The following PHF20 variants were observed in gnomAD, a reference collection of about 807,000 sequenced individuals.
PHF20 encodes the protein PHD finger protein 20, also known as glioma-expressed antigen 2.
A neutral mutation model predicts 113.5 loss-of-function variants in PHF20; 23 were observed. That is an observed-to-expected ratio of 0.20 (90% CI 0.15 to 0.29). PHF20 has a LOEUF of 0.29. Ranked by LOEUF, PHF20 falls within the 10% of genes least tolerant of loss-of-function variation. The pLI, the probability that PHF20 is intolerant of heterozygous loss-of-function variation, is 1.00. For missense variants in PHF20, 943 were observed against 1,219.6 expected, an observed-to-expected ratio of 0.77 and a Z score of 3.38; for synonymous variants, 434 against 457.3, an observed-to-expected ratio of 0.95 and a Z score of 0.65.
chr20:35,904,800 T>TCCTTCCTTCCTG (rs1450806881), intron 10 of PHF20, among the ~76,000 whole-genome samples: 2 of 150,170 alleles, frequency 1.3e-5, no homozygotes, highest in African/African-American at 4.9e-5. Context: ...CTTCCTTCCT[T>TCCTTCCTTCCTG]CCTTTCTTTT....
At position 35,794,728 on chromosome 20, in the gene PHF20, T is replaced by G. The variant is rs529080639; in HGVS notation, c.-32-6763T>G. ...GTCCCAGAGCTGATTCACTGAAAGG[T>G]CTTGTTCCATACCCATCTATCACTT... On this transcript the variant is annotated intron_variant, in intron 1 of 17. Coordinates refer to ENST00000374012, the MANE Select transcript of PHF20 (RefSeq NM_016436.5). 2.0e-5 allele frequency among the ~76,000 whole-genome samples: 3 copies of G among 152,234 alleles called. No individual in the cohort carries two copies. The East Asian group carries it at 5.8e-4, about 29-fold the overall frequency.
At chr20:35,813,249 CGCG>C (rs2042009382) in intron 2 of PHF20, among the ~76,000 whole-genome samples, 1 of 150,584 alleles carries the variant, frequency 6.6e-6, no homozygotes, top group African/African-American at 2.4e-5. Context: ...GGATTACAGG[CGCG>C]GTGAGCCACC....
rs150233633 is a variant in PHF20, at chr20:35,807,166, G to A, written c.83+5561G>A. 4.3e-3 allele frequency among the ~76,000 whole-genome samples: 648 copies of A among 152,070 alleles called. 2 individuals are homozygous for A. The highest frequency in any genetic ancestry group is 0.015 in the African/African-American group (602 of 41,502). Reference sequence around the variant, plus strand: ...TGAAAAGTGTTTTTGGAGTTTTGAAGTAAATTGTATTTAATTGGTATCTTG... The same window carrying A: ...TGAAAAGTGTTTTTGGAGTTTTGAAATAAATTGTATTTAATTGGTATCTTG... On this transcript the variant is annotated intron_variant, in intron 2 of 17. Coordinates refer to ENST00000374012, the MANE Select transcript of PHF20 (RefSeq NM_016436.5).
At chr20:35,793,893 G>A (rs559101248) in intron 1 of PHF20, among the ~76,000 whole-genome samples, 1 of 150,140 alleles carries the variant, frequency 6.7e-6, no homozygotes, top group East Asian at 2.0e-4. Context: ...AGCTACTGGG[G>A]AGGGTGAGGC....
At chr20:35,800,956 G>T (rs1303228875) in intron 1 of PHF20, among the ~76,000 whole-genome samples, 1 of 152,118 alleles carries the variant, frequency 6.6e-6, no homozygotes, top group African/African-American at 2.4e-5. Context: ...CTTCCAAGTA[G>T]CTGGGGCTAT....
At chr20:35,928,693 G>C (rs1167464430) in intron 14 of PHF20, 1 of 152,154 alleles carries the variant, frequency 6.6e-6, no homozygotes, top group East Asian at 1.9e-4. Flanking sequence ...TTTTCTTGAG[G>C]ACTCATGAGG....
chr20:35,871,306 T>C (rs1171340115), intron 8 of PHF20, among the ~76,000 whole-genome samples, 172 bp downstream of exon 8: 1 of 152,252 alleles, frequency 6.6e-6, no homozygotes, highest in Non-Finnish European at 1.5e-5. Flanking sequence ...ATTTATTCAA[T>C]AGACATACTT....
In PHF20 at chr20:35,917,408, T is replaced by C. The variant is rs773284860; in HGVS notation, c.1826-76T>C. On this transcript the variant is annotated intron_variant, in intron 12 of 17. Coordinates refer to ENST00000374012, the MANE Select transcript of PHF20 (RefSeq NM_016436.5). ...TGGAGGTATGGGACTATAATGTCATTTTTCATTCTTGACAATCAAAGGTTT... is the reference window on the plus strand; with the variant it reads ...TGGAGGTATGGGACTATAATGTCATCTTTCATTCTTGACAATCAAAGGTTT... 9 of 1,295,560 alleles carry C rather than the reference T, an allele frequency of 6.9e-6. No individual in the cohort carries two copies. In the South Asian group the frequency reaches 1.0e-4, roughly 15 times the overall value. The allele number at this position is 1,295,560 out of a possible 1,614,324, so 80.3% of individuals were successfully genotyped here. A position where few individuals can be genotyped will look rare whatever the true frequency, so the allele number is the denominator to read the frequency against.
chr20:35,904,083 G>A (rs557367032), intron 10 of PHF20, among the ~76,000 whole-genome samples: 6 of 152,134 alleles, frequency 3.9e-5, no homozygotes, highest in South Asian at 2.1e-4. Context: ...CAGACAGTGT[G>A]GGGAGTTCAG....
intron 2 of PHF20, among the ~76,000 whole-genome samples, chr20:35,811,827 G>A (rs1037719396): frequency 6.6e-6 from 1 of 151,594 alleles, no homozygotes; most frequent in Non-Finnish European, 1.5e-5. Context: ...CTGGAGTGCA[G>A]TGGCTCGATC....
intron 2 of PHF20, among the ~76,000 whole-genome samples, chr20:35,806,090 C>T (rs1321235646): frequency 6.6e-6 from 1 of 151,512 alleles, no homozygotes; most frequent in African/African-American, 2.4e-5. Context: ...GTCTGGAACT[C>T]CTGACCTTGT....
Position 35,947,793 on chromosome 20 carries a change from C to T in PHF20, c.*166C>T, listed in dbSNP as rs149692607. Reference sequence around the variant, plus strand: ...ACATTGGACAAAGAGGCCATTTTGGCTGCGGGAGGACACTCTGATCTCGAA... The same window carrying T: ...ACATTGGACAAAGAGGCCATTTTGGTTGCGGGAGGACACTCTGATCTCGAA... On this transcript the variant is annotated 3_prime_UTR_variant, in exon 18 of 18. Coordinates refer to ENST00000374012, the MANE Select transcript of PHF20 (RefSeq NM_016436.5). 1,226 of 657,974 alleles carry T rather than the reference C, an allele frequency of 1.9e-3. 13 individuals carry two copies. The African/African-American group carries it at 0.02, about 11-fold the overall frequency. The allele number at this position is 657,974 out of a possible 1,614,324, so 40.8% of individuals were successfully genotyped here. A position where few individuals can be genotyped will look rare whatever the true frequency, so the allele number is the denominator to read the frequency against.
rs113938713 is a variant in PHF20, at chr20:35,873,105, AT to A, written c.1282+1290del. ...TCTTTTAGATGCATACACATTTATA[AT>A]TTTTTTTTTTTTTGAGACAGAATCT... On this transcript the variant is annotated intron_variant, in intron 9 of 17. Coordinates refer to ENST00000374012, the MANE Select transcript of PHF20 (RefSeq NM_016436.5). Among the ~76,000 whole-genome samples, 229 of 144,624 alleles carry A rather than the reference AT, an allele frequency of 1.6e-3. 1 individual carries two copies. The highest frequency in any genetic ancestry group is 2.2e-3 in the Non-Finnish European group (146 of 65,738). 94.9% of individuals were successfully genotyped at this position (144,624 alleles called of 152,430 possible).
chr20:35,920,672 C>G (rs749928152), intron 13 of PHF20, among the ~76,000 whole-genome samples: 3 of 152,140 alleles, frequency 2.0e-5, no homozygotes, highest in Non-Finnish European at 4.4e-5. Context: ...GTTTTTGAAA[C>G]ATAATAGTAC....
intron 9 of PHF20, among the ~76,000 whole-genome samples, chr20:35,885,467 C>CTTTTTTTT (rs577878410): frequency 0.013 from 454 of 35,598 alleles, 2 homozygotes; most frequent in Non-Finnish European, 0.017. Flanking sequence ...GGGGAATAAG[C>CTTTTTTTT]TTTTTTTTTT....
At chr20:35,791,954 A>T (rs996757353) in intron 1 of PHF20, among the ~76,000 whole-genome samples, 5 of 152,132 alleles carry the variant, frequency 3.3e-5, no homozygotes, top group Non-Finnish European at 5.9e-5. Flanking sequence ...GTAATATGCG[A>T]AAGGTCATAC....
chr20:35,882,519 C>T (rs755209796), intron 9 of PHF20, among the ~76,000 whole-genome samples: 1 of 152,206 alleles, frequency 6.6e-6, no homozygotes, highest in Non-Finnish European at 1.5e-5. Context: ...CCTCAACCTC[C>T]TGGGCTTAAG....
intron 9 of PHF20, among the ~76,000 whole-genome samples, chr20:35,873,490 A>G (rs1430295773): frequency 7.3e-6 from 1 of 136,948 alleles, no homozygotes; most frequent in Non-Finnish European, 1.6e-5. Flanking sequence ...TTTTTTTAAG[A>G]CAGAGTCTTG....
chr20:35,802,197 G>T (rs1246998479), intron 2 of PHF20, among the ~76,000 whole-genome samples: 3 of 152,114 alleles, frequency 2.0e-5, no homozygotes, highest in African/African-American at 7.2e-5. Context: ...ACCTCATAGG[G>T]TTATTCTGAG....
Sources: allele counts gnomAD v4.1 joint callset (sites outside exome capture counted in the v4.1 genomes callset), GRCh38; gene constraint gnomAD v4.1.1; transcripts MANE v1.5; gene names NCBI Gene and HGNC (gene_info 2026-07-23, HGNC 2026-07-21).